The following NDST4 variants were observed in gnomAD, a reference collection of about 807,000 sequenced individuals.
The protein encoded by NDST4 is N-heparan sulfate sulfotransferase 4.
Under a neutral mutation model 100.8 loss-of-function variants are expected in NDST4, and 63 were observed. That is an observed-to-expected ratio of 0.62 (90% CI 0.51 to 0.77). The LOEUF is 0.77. Ranked by LOEUF, NDST4 falls within the 30% of genes least tolerant of loss-of-function variation. The pLI is 0.00. For synonymous variants in NDST4, 377 were observed against 361.8 expected, an observed-to-expected ratio of 1.04 and a Z score of -0.48; for missense variants, 943 against 1,018.4, an observed-to-expected ratio of 0.93 and a Z score of 1.01.
At chr4:115,041,304 A>G (rs1438877958) in intron 2 of NDST4, among the ~76,000 whole-genome samples, 1 of 152,082 alleles carries the variant, frequency 6.6e-6, no homozygotes, top group Admixed American at 6.6e-5. Context: ...ATGTTAAAGG[A>G]CAGACTATTA....
At chr4:115,087,310 T>C (rs1729426608) in intron 1 of NDST4, among the ~76,000 whole-genome samples, 1 of 152,044 alleles carries the variant, frequency 6.6e-6, no homozygotes, top group South Asian at 2.1e-4. Context: ...CTCTTTTATG[T>C]AAGAAGCCAA....
chr4:115,033,127 ATG>A (rs201380744), intron 2 of NDST4, among the ~76,000 whole-genome samples: 3,516 of 98,528 alleles, frequency 0.036, 130 homozygotes, highest in African/African-American at 0.14. Context: ...TTATATATAT[ATG>A]TGTATATATA....
chr4:114,845,001 C>A (rs1165396145), intron 10 of NDST4, among the ~76,000 whole-genome samples: 1 of 151,966 alleles, frequency 6.6e-6, no homozygotes, highest in African/African-American at 2.4e-5. Context: ...TTCTTGCCAG[C>A]AGAGAAAAAC....
intron 11 of NDST4, among the ~76,000 whole-genome samples, chr4:114,837,163 A>C (rs376548169): frequency 5.3e-5 from 8 of 152,098 alleles, no homozygotes; most frequent in African/African-American, 1.9e-4. Flanking sequence ...CCTTTGCTGG[A>C]GAGGAGTTGC....
At chr4:114,881,776 T>A (rs1724375258) in intron 6 of NDST4, among the ~76,000 whole-genome samples, 1 of 152,270 alleles carries the variant, frequency 6.6e-6, no homozygotes, top group Non-Finnish European at 1.5e-5. Flanking sequence ...TGATTTCCCA[T>A]CGTGTTTTCT....
At chr4:115,003,581 G>T (rs1262816958) in intron 2 of NDST4, among the ~76,000 whole-genome samples, 1 of 151,948 alleles carries the variant, frequency 6.6e-6, no homozygotes, top group Non-Finnish European at 1.5e-5. Context: ...AAAAAAAGGG[G>T]TACTAGTACT....
At chr4:114,919,784 G>A (rs1725250554) in intron 6 of NDST4, among the ~76,000 whole-genome samples, 1 of 152,206 alleles carries the variant, frequency 6.6e-6, no homozygotes, top group South Asian at 2.1e-4. Flanking sequence ...TGGCCAGAGA[G>A]ATAGCAATTT....
At chr4:114,887,956 C>T (rs1025403764) in intron 6 of NDST4, among the ~76,000 whole-genome samples, 1 of 151,924 alleles carries the variant, frequency 6.6e-6, no homozygotes, top group African/African-American at 2.4e-5. Context: ...AATATTGATA[C>T]CTTTGAGATG....
At chr4:115,017,625 T>C (rs1027104144) in intron 2 of NDST4, among the ~76,000 whole-genome samples, 2 of 152,052 alleles carry the variant, frequency 1.3e-5, no homozygotes, top group African/African-American at 4.8e-5. Flanking sequence ...ATTCACTATC[T>C]TGAAAACCAT....
At chr4:114,905,095 T>A (rs1724921346) in intron 6 of NDST4, among the ~76,000 whole-genome samples, 1 of 151,124 alleles carries the variant, frequency 6.6e-6, no homozygotes, top group Admixed American at 6.6e-5. Context: ...TTTCTTCATC[T>A]ACCCTGTCAA....
intron 2 of NDST4, among the ~76,000 whole-genome samples, chr4:115,003,498 C>T (rs1322219012): frequency 6.6e-6 from 1 of 151,942 alleles, no homozygotes; most frequent in Non-Finnish European, 1.5e-5. Flanking sequence ...ATGCATTCAC[C>T]TTTGCCTGGA....
At chr4:114,889,243 G>C (rs1724542354) in intron 6 of NDST4, among the ~76,000 whole-genome samples, 1 of 152,112 alleles carries the variant, frequency 6.6e-6, no homozygotes, top group African/African-American at 2.4e-5. Flanking sequence ...TATTCTTTCA[G>C]ACTGCCTTCC....
intron 2 of NDST4, among the ~76,000 whole-genome samples, chr4:115,073,820 G>C (rs1449474259): frequency 1.3e-5 from 2 of 151,874 alleles, no homozygotes; most frequent in African/African-American, 4.8e-5. Context: ...AAAATGATAA[G>C]TATCTGGGAT....
At chr4:114,874,328 A>G (rs1177969895) in intron 6 of NDST4, among the ~76,000 whole-genome samples, 2 of 147,172 alleles carry the variant, frequency 1.4e-5, no homozygotes, top group Admixed American at 6.8e-5. Context: ...TGTTTGATGG[A>G]AAAAAAAGCT....
intron 2 of NDST4, among the ~76,000 whole-genome samples, chr4:114,997,548 T>C (rs1727191288): frequency 6.6e-6 from 1 of 152,058 alleles, no homozygotes; most frequent in African/African-American, 2.4e-5. Flanking sequence ...AATCAGAATA[T>C]TGAAGCATAA....
intron 2 of NDST4, among the ~76,000 whole-genome samples, chr4:115,075,557 C>T (rs374477275): frequency 1.1e-4 from 16 of 152,132 alleles, no homozygotes; most frequent in Middle Eastern, 3.4e-3. Context: ...AAGGTCAAGG[C>T]GGGTGGATCA....
At chr4:115,079,112 G>A (rs918578859) in intron 1 of NDST4, among the ~76,000 whole-genome samples, 2 of 151,894 alleles carry the variant, frequency 1.3e-5, no homozygotes, top group Non-Finnish European at 2.9e-5. Context: ...AGCACTTTGG[G>A]AGGACAAGGT....
intron 7 of NDST4, among the ~76,000 whole-genome samples, chr4:114,855,263 T>C (rs144006284): frequency 8.0e-4 from 122 of 152,290 alleles, no homozygotes; most frequent in Non-Finnish European, 1.4e-3. Context: ...TCCTTTGCTG[T>C]GCAGCCTTTT....
chr4:114,893,661 T>C (rs1724648093), intron 6 of NDST4, among the ~76,000 whole-genome samples: 1 of 152,186 alleles, frequency 6.6e-6, no homozygotes, highest in South Asian at 2.1e-4. Flanking sequence ...TATGGGTAGA[T>C]TGCAAACATT....
Sources: allele counts gnomAD v4.1 joint callset (sites outside exome capture counted in the v4.1 genomes callset), GRCh38; gene constraint gnomAD v4.1.1; transcripts MANE v1.5; gene names NCBI Gene and HGNC (gene_info 2026-07-23, HGNC 2026-07-21).